CHCHD3: variants seen among roughly 807,000 people sequenced by gnomAD.
CHCHD3 encodes coiled-coil-helix-coiled-coil-helix domain containing 3.
CHCHD3 carries 20 observed loss-of-function variants against 38.2 expected under a neutral mutation model. The observed-to-expected ratio is 0.52, with a 90% CI of 0.37 to 0.76. CHCHD3 has a LOEUF of 0.76. Among genes scored for constraint, CHCHD3 ranks in the 30% least tolerant of loss-of-function variants. CHCHD3 has a pLI of 0.00. For synonymous variants in CHCHD3, 82 were observed against 100.0 expected (o/e 0.82, Z 1.07); for missense variants, 245 against 279.2 (o/e 0.88, Z 0.87).
At chr7:132,919,255 C>A (rs1810199317) in intron 4 of CHCHD3, among the ~76,000 whole-genome samples, 1 of 151,878 alleles carries the variant, frequency 6.6e-6, no homozygotes, top group Non-Finnish European at 1.5e-5. Context: ...ACTACAGGCG[C>A]CCGCCAGCAT....
chr7:133,010,787 C>A (rs184636839), intron 3 of CHCHD3, among the ~76,000 whole-genome samples: 218 of 152,222 alleles, frequency 1.4e-3, no homozygotes, highest in African/African-American at 5.0e-3. Context: ...TCATGTTGGC[C>A]AGGCTGGTCT....
intron 7 of CHCHD3, among the ~76,000 whole-genome samples, chr7:132,789,063 G>T (rs1806393530): frequency 6.6e-6 from 1 of 152,168 alleles, no homozygotes; most frequent in Non-Finnish European, 1.5e-5. Flanking sequence ...TGGCTGGAGG[G>T]ATCCGTAGTC....
In CHCHD3 at chr7:132,915,807, T is replaced by C. The variant is rs1269971983; in HGVS notation, c.370-30062A>G. Among the ~76,000 whole-genome samples the C allele has an allele frequency of 2.0e-5, 3 of 152,308 alleles. No individual in the cohort carries two copies. In the South Asian group the frequency reaches 6.2e-4, roughly 32 times the overall value. On this transcript the variant is annotated intron_variant, in intron 4 of 7. Transcript: ENST00000262570. Reference sequence around the variant, plus strand: ...TCATTCTTTTAATCTTTGCTCCTATTGCTACCTAGCCAATCCTTGAACTTC... The same window carrying C: ...TCATTCTTTTAATCTTTGCTCCTATCGCTACCTAGCCAATCCTTGAACTTC...
At chr7:132,976,937 A>T (rs568899355) in intron 3 of CHCHD3, among the ~76,000 whole-genome samples, 6 of 148,968 alleles carry the variant, frequency 4.0e-5, no homozygotes, top group Non-Finnish European at 7.4e-5. Flanking sequence ...TGTCTTAAAT[A>T]AAAAAAAAGA....
intron 2 of CHCHD3, among the ~76,000 whole-genome samples, chr7:133,049,843 A>ACT (rs1208067032): frequency 6.6e-6 from 1 of 152,150 alleles, no homozygotes; most frequent in African/African-American, 2.4e-5. Flanking sequence ...CATAATCCAC[A>ACT]CTTCCACTGT....
chr7:132,906,099 T>A (rs1809798376), intron 4 of CHCHD3, among the ~76,000 whole-genome samples: 1 of 152,216 alleles, frequency 6.6e-6, no homozygotes, highest in Non-Finnish European at 1.5e-5. Flanking sequence ...ATTAGCTGGA[T>A]TTAAAAATTC....
chr7:132,973,380 C>G (rs1222442128), intron 4 of CHCHD3: 1 of 985,356 alleles, frequency 1.0e-6, no homozygotes. Flanking sequence ...CTTTTCAACC[C>G]ACTGACCTGA....
At chr7:132,863,797 G>A (rs1264578787) in intron 5 of CHCHD3, among the ~76,000 whole-genome samples, 2 of 152,210 alleles carry the variant, frequency 1.3e-5, no homozygotes, top group Non-Finnish European at 2.9e-5. Flanking sequence ...ATGTTATGGA[G>A]ATGGCTGCTT....
At chr7:132,972,887 T>C (rs1811647048) in intron 4 of CHCHD3, 1 of 985,454 alleles carries the variant, frequency 1.0e-6, no homozygotes, top group Middle Eastern at 5.2e-4. Flanking sequence ...CAGTTTCTCA[T>C]GCTTCACCAG....
chr7:132,989,520 T>C lies in CHCHD3; in HGVS notation c.252-14234A>G, dbSNP rs114885773. Among the ~76,000 whole-genome samples, 876 of 152,334 alleles carry C rather than the reference T, an allele frequency of 5.8e-3. 10 individuals carry two copies. The highest frequency in any genetic ancestry group is 0.019 in the African/African-American group (788 of 41,578). On this transcript the variant is annotated intron_variant, in intron 3 of 7. Coordinates refer to ENST00000262570, the MANE Select transcript of CHCHD3 (RefSeq NM_017812.4). The stretch of plus-strand genomic sequence containing the variant: ...CAGATGATTGCCTCCCATTTACACA[T>C]TGTATATTACTTTATACCTAAAGTC...
At chr7:132,939,037 T>C (rs1173798244) in intron 4 of CHCHD3, among the ~76,000 whole-genome samples, 1 of 152,124 alleles carries the variant, frequency 6.6e-6, no homozygotes, top group Non-Finnish European at 1.5e-5. Flanking sequence ...CAGTATTCTT[T>C]AAAAGAAGAA....
rs540860210 is a variant in CHCHD3 at position 132,950,215 on chromosome 7, C to T, written c.369+24954G>A. ...GTGAAAAACTAACTATTGGGTACTACATTCACTACCTGGGTGACGGGATCG... is the reference window on the plus strand; with the variant it reads ...GTGAAAAACTAACTATTGGGTACTATATTCACTACCTGGGTGACGGGATCG... On this transcript the variant is annotated intron_variant, in intron 4 of 7. Transcript: ENST00000262570. Among the ~76,000 whole-genome samples the T allele has an allele frequency of 6.6e-5, 10 of 152,226 alleles. No homozygotes were observed. In the East Asian group the frequency reaches 1.9e-3, roughly 29 times the overall value.
At chr7:133,004,441 A>G (rs1812649509) in intron 3 of CHCHD3, among the ~76,000 whole-genome samples, 1 of 152,222 alleles carries the variant, frequency 6.6e-6, no homozygotes. Flanking sequence ...GTAAAAGCAA[A>G]AGGTAAGTGA....
At chr7:132,797,749 C>T (rs1806656998) in intron 6 of CHCHD3, among the ~76,000 whole-genome samples, 1 of 152,048 alleles carries the variant, frequency 6.6e-6, no homozygotes, top group Admixed American at 6.6e-5. Context: ...TTTCCAAAAA[C>T]CTTATAATAT....
intron 2 of CHCHD3, among the ~76,000 whole-genome samples, chr7:133,053,284 T>C (rs1374402857): frequency 1.3e-5 from 2 of 152,216 alleles, no homozygotes; most frequent in Non-Finnish European, 1.5e-5. Context: ...CAGTGCTGGC[T>C]GGCCATTTAT....
At chr7:133,055,117 G>A (rs983874871) in intron 2 of CHCHD3, among the ~76,000 whole-genome samples, 2 of 151,772 alleles carry the variant, frequency 1.3e-5, no homozygotes, top group African/African-American at 4.8e-5. Context: ...TTGAACCCAA[G>A]AGTTTGAGTT....
At chr7:132,858,664 T>C (rs369141709) in intron 5 of CHCHD3, among the ~76,000 whole-genome samples, 51 of 152,344 alleles carry the variant, frequency 3.3e-4, no homozygotes, top group African/African-American at 1.0e-3. Context: ...GTTTGTATGT[T>C]AGAAAACTAA....
chr7:132,892,485 A>G (rs1809386495), intron 4 of CHCHD3, among the ~76,000 whole-genome samples: 1 of 152,216 alleles, frequency 6.6e-6, no homozygotes, highest in African/African-American at 2.4e-5. Flanking sequence ...GTAGAAAAGA[A>G]AAACCTATTT....
At chr7:132,983,410 G>A (rs532000431) in intron 3 of CHCHD3, among the ~76,000 whole-genome samples, 81 of 152,286 alleles carry the variant, frequency 5.3e-4, no homozygotes, top group Non-Finnish European at 6.9e-4. Context: ...GTAAACAGAG[G>A]TAAAGATGCA....
Sources: gnomAD v4.1 joint callset for allele counts (sites outside exome capture counted in the v4.1 genomes callset) on GRCh38, gnomAD v4.1.1 for gene constraint, MANE v1.5 for transcripts, NCBI Gene and HGNC (gene_info 2026-07-23, HGNC 2026-07-21) for gene names.